The following CPED1 variants were observed in gnomAD, a reference collection of about 807,000 sequenced individuals.
CPED1 encodes cadherin-like and PC-esterase domain-containing protein 1.
A neutral mutation model predicts 128.2 loss-of-function variants in CPED1; 114 were observed. The observed-to-expected ratio is 0.89, with a 90% confidence interval of 0.76 to 1.04. CPED1 has a LOEUF of 1.04. Among genes scored for constraint, CPED1 ranks in the 50% least tolerant of loss-of-function variants. CPED1 has a pLI of 0.00. For missense variants in CPED1, 1,211 were observed against 1,207.1 expected (o/e 1.00, Z -0.05); for synonymous variants, 462 against 426.7 (o/e 1.08, Z -1.02).
At chr7:121,209,804 A>C (rs1797604986) in intron 16 of CPED1, among the ~76,000 whole-genome samples, 1 of 152,036 alleles carries the variant, frequency 6.6e-6, no homozygotes, top group African/African-American at 2.4e-5. Flanking sequence ...ACAATAATCA[A>C]AGTGAAGAGA....
intron 2 of CPED1, among the ~76,000 whole-genome samples, chr7:121,008,355 A>G (rs1792078230): frequency 6.6e-6 from 1 of 152,116 alleles, no homozygotes; most frequent in African/African-American, 2.4e-5. Context: ...CTCCATTTTT[A>G]TCATCATTGC....
chr7:121,142,162 C>T (rs995683448), intron 16 of CPED1, 21 bp downstream of exon 16: 38 of 1,571,998 alleles, frequency 2.4e-5, no homozygotes, highest in Non-Finnish European at 3.0e-5. Flanking sequence ...TTTACATTTG[C>T]ACTTGGGTTG....
chr7:121,046,105 A>G (rs1793186653), intron 3 of CPED1, among the ~76,000 whole-genome samples: 1 of 152,140 alleles, frequency 6.6e-6, no homozygotes, highest in Admixed American at 6.6e-5. Context: ...AAACCCATGT[A>G]TACACACAAA....
At chr7:121,152,629 A>G (rs1796184641) in intron 16 of CPED1, among the ~76,000 whole-genome samples, 1 of 152,246 alleles carries the variant, frequency 6.6e-6, no homozygotes, top group African/African-American at 2.4e-5. Context: ...CTAGGCACAT[A>G]AAGAGTCCAG....
intron 15 of CPED1, among the ~76,000 whole-genome samples, 153 bp downstream of exon 15, chr7:121,141,166 A>T (rs1254945985): frequency 6.6e-6 from 1 of 152,070 alleles, no homozygotes; most frequent in Non-Finnish European, 1.5e-5. Context: ...TTTTTAAAAA[A>T]GATTTGTAAC....
chr7:121,138,845 C>T (rs1458471996), intron 14 of CPED1, among the ~76,000 whole-genome samples: 3 of 151,854 alleles, frequency 2.0e-5, no homozygotes, highest in African/African-American at 4.8e-5. Flanking sequence ...AACTCAACTC[C>T]AGCTTGTTTA....
intron 7 of CPED1, among the ~76,000 whole-genome samples, chr7:121,101,605 C>T (rs758044879): frequency 6.6e-6 from 1 of 152,066 alleles, no homozygotes; most frequent in Non-Finnish European, 1.5e-5. Context: ...TAAAGGAACA[C>T]GTGAGGCTGG....
At position 121,248,426 on chromosome 7, in the gene CPED1, T is replaced by C. The variant is rs116052411; in HGVS notation, c.2310+4088T>C. Among the ~76,000 whole-genome samples the C allele has an allele frequency of 4.5e-3, 682 of 152,026 alleles. 5 individuals are homozygous for C. The highest frequency in any genetic ancestry group is 0.016 in the African/African-American group (653 of 41,448). On this transcript the variant is annotated intron_variant, in intron 18 of 22. Coordinates refer to ENST00000310396, the MANE Select transcript of CPED1 (RefSeq NM_024913.5). ...GCAGGACTAATGAGAGGAGGTGACC[T>C]CTCTCCCCACCATACTACAGAGCAT...
intron 4 of CPED1, among the ~76,000 whole-genome samples, chr7:121,052,554 T>C (rs1178502363): frequency 6.6e-6 from 1 of 152,046 alleles, no homozygotes; most frequent in African/African-American, 2.4e-5. Context: ...AGCTTTATGA[T>C]TGCGTGAGTC....
intron 2 of CPED1, among the ~76,000 whole-genome samples, chr7:120,993,434 T>C (rs1383226900): frequency 6.6e-6 from 1 of 152,216 alleles, no homozygotes; most frequent in Non-Finnish European, 1.5e-5. Flanking sequence ...TCATTTCCCA[T>C]GTCTTCTTGA....
At chr7:121,208,266 G>A (rs1023223849) in intron 16 of CPED1, among the ~76,000 whole-genome samples, 4 of 151,852 alleles carry the variant, frequency 2.6e-5, no homozygotes, top group Non-Finnish European at 4.4e-5. Flanking sequence ...GTATGCATAC[G>A]AAACATAGTA....
At chr7:121,189,789 TATATATATAA>T (rs1353510650) in intron 16 of CPED1, among the ~76,000 whole-genome samples, 1,054 of 94,418 alleles carry the variant, frequency 0.011, 49 homozygotes, top group East Asian at 0.047. Flanking sequence ...TATATATATA[TATATATATAA>T]AATTTGTATT....
At chr7:121,002,805 TTTCTTGTAAAATAATATCTTAAAA>T (rs775433711) in intron 2 of CPED1, among the ~76,000 whole-genome samples, 9 of 152,200 alleles carry the variant, frequency 5.9e-5, no homozygotes, top group Non-Finnish European at 1.2e-4. Context: ...GTCTCCTATT[TTTCTTGTAAAATAATATCTTAAAA>T]GGAAGCCCCT....
intron 7 of CPED1, among the ~76,000 whole-genome samples, chr7:121,119,889 G>C (rs1391719758): frequency 1.3e-5 from 2 of 152,020 alleles, no homozygotes; most frequent in African/African-American, 4.8e-5. Flanking sequence ...GACTACTCTA[G>C]ATACCTCACA....
chr7:121,050,738 A>G, intron 4 of CPED1: 2 of 449,902 alleles, frequency 4.4e-6, no homozygotes, highest in Non-Finnish European at 8.9e-6. Context: ...TGCTGGGATT[A>G]TAGGTGTGAG....
chr7:121,031,476 T>C (rs925025061), intron 3 of CPED1, among the ~76,000 whole-genome samples: 1 of 152,088 alleles, frequency 6.6e-6, no homozygotes, highest in Non-Finnish European at 1.5e-5. Context: ...TTAGTGGAGA[T>C]GGGGTTTCAC....
chr7:121,124,336 A>G lies in CPED1; in HGVS notation c.924A>G (p.Gln308=), dbSNP rs777511519. ...PKKKRFTVKL[Q]TFFETFLRAS... ...ATCCTTTACTTTGTTCACAGCTGCA[A>G]ACATTTTTTGAGACATTCCTGAGAG... Residue 308 remains glutamine, a synonymous_variant, in exon 8 of 23, where the codon CAA becomes CAG. Coordinates refer to ENST00000310396, the MANE Select transcript of CPED1 (RefSeq NM_024913.5). The G allele has an allele frequency of 6.2e-7, 1 of 1,605,598 alleles. No individual in the cohort carries two copies. Among genetic ancestry groups the G allele is most frequent in the Non-Finnish European group, 8.5e-7 (1 of 1,176,698 alleles).
chr7:121,250,252 A>G (rs948154980), intron 18 of CPED1, among the ~76,000 whole-genome samples: 1 of 152,118 alleles, frequency 6.6e-6, no homozygotes, highest in African/African-American at 2.4e-5. Flanking sequence ...AGGCAGAAAT[A>G]AAGATGTTCT....
At chr7:121,023,870 G>T (rs763741434) in intron 3 of CPED1, among the ~76,000 whole-genome samples, 1 of 152,116 alleles carries the variant, frequency 6.6e-6, no homozygotes, top group Non-Finnish European at 1.5e-5. Context: ...AAGAGTAAAG[G>T]TCACATTTAA....
Sources: gnomAD v4.1 joint callset for allele counts (sites outside exome capture counted in the v4.1 genomes callset) on GRCh38, gnomAD v4.1.1 for gene constraint, MANE v1.5 for transcripts, NCBI Gene and HGNC (gene_info 2026-07-23, HGNC 2026-07-21) for gene names.